CWF19L2: variants seen among roughly 807,000 people sequenced by gnomAD.
The protein encoded by CWF19L2 is CWF19 like cell cycle control factor 2.
Under a neutral mutation model 111.7 loss-of-function variants are expected in CWF19L2, and 98 were observed. The ratio of observed to expected loss-of-function variants is 0.88; its 90% CI spans 0.75 to 1.04. CWF19L2 has a LOEUF of 1.04. Ranked by LOEUF, CWF19L2 falls within the 50% of genes least tolerant of loss-of-function variation. CWF19L2 has a pLI of 0.00. For synonymous variants in CWF19L2, 351 were observed against 342.9 expected (o/e 1.02, Z -0.26); for missense variants, 1,101 against 1,051.4 (o/e 1.05, Z -0.65).
chr11:107,373,980 C>A (rs1338150020), intron 12 of CWF19L2, among the ~76,000 whole-genome samples: 1 of 136,044 alleles, frequency 7.4e-6, no homozygotes, highest in Non-Finnish European at 1.6e-5. Context: ...AATGCAGAAG[C>A]CTCAGGAGCT....
intron 10 of CWF19L2, among the ~76,000 whole-genome samples, chr11:107,410,341 T>C (rs959868990): frequency 3.9e-5 from 6 of 152,148 alleles, no homozygotes; most frequent in African/African-American, 1.4e-4. Context: ...TAAATTACTT[T>C]AGTTGCAGTA....
At chr11:107,394,125 T>A (rs369317105) in intron 10 of CWF19L2, among the ~76,000 whole-genome samples, 1 of 152,198 alleles carries the variant, frequency 6.6e-6, no homozygotes, top group Non-Finnish European at 1.5e-5. Context: ...TTCTTCTCAA[T>A]TGGAATCAAC....
intron 14 of CWF19L2, among the ~76,000 whole-genome samples, chr11:107,342,972 CT>C (rs564560641): frequency 4.2e-4 from 64 of 152,228 alleles, no homozygotes; most frequent in African/African-American, 1.5e-3. Flanking sequence ...GGAATAGATT[CT>C]CTTCCAGAGT....
chr11:107,367,649 G>A (rs1415241898), intron 12 of CWF19L2, among the ~76,000 whole-genome samples: 1 of 105,658 alleles, frequency 9.5e-6, no homozygotes. Flanking sequence ...GACACAGGAA[G>A]GGGAATATCA....
chr11:107,348,887 A>G, intron 14 of CWF19L2, 50 bp downstream of exon 14: 1 of 1,066,290 alleles, frequency 9.4e-7, no homozygotes, highest in African/African-American at 1.6e-5. Flanking sequence ...AATAATTTAC[A>G]AAAATTGCTC....
chr11:107,408,427 T>C, intron 10 of CWF19L2, among the ~76,000 whole-genome samples: 1 of 151,762 alleles, frequency 6.6e-6, no homozygotes, highest in Non-Finnish European at 1.5e-5. Flanking sequence ...AAGAGGAGGG[T>C]TAAGAAATAT....
intron 10 of CWF19L2, among the ~76,000 whole-genome samples, chr11:107,398,308 T>C (rs749492764): frequency 6.6e-6 from 1 of 152,096 alleles, no homozygotes; most frequent in Non-Finnish European, 1.5e-5. Context: ...GGAAAAAATA[T>C]TCAAGGAAAT....
At chr11:107,395,679 C>G (rs890501112) in intron 10 of CWF19L2, among the ~76,000 whole-genome samples, 4 of 152,094 alleles carry the variant, frequency 2.6e-5, no homozygotes, top group African/African-American at 4.8e-5. Context: ...TTTTTGTAAA[C>G]GTACTGTAAA....
intron 14 of CWF19L2, among the ~76,000 whole-genome samples, chr11:107,337,839 T>C (rs2134526801): frequency 6.6e-6 from 1 of 152,338 alleles, no homozygotes. Flanking sequence ...CTTTTTAATA[T>C]TTTATTTAAA....
chr11:107,450,479 A>G (rs2135429045), intron 3 of CWF19L2, among the ~76,000 whole-genome samples: 1 of 152,108 alleles, frequency 6.6e-6, no homozygotes, highest in Non-Finnish European at 1.5e-5. Context: ...CTTGAGCCCC[A>G]GGGGTTGAAG....
chr11:107,329,386 G>A (rs2134516407), intron 17 of CWF19L2, among the ~76,000 whole-genome samples: 1 of 152,210 alleles, frequency 6.6e-6, no homozygotes, highest in East Asian at 1.9e-4. Flanking sequence ...CTTGGGCTAC[G>A]CCTTGCTTAA....
rs572808862 is a variant in CWF19L2 at position 107,419,594 on chromosome 11, A to C, written c.1434-1307T>G. On this transcript the variant is annotated intron_variant, in intron 8 of 17. Transcript: ENST00000282251. The stretch of plus-strand genomic sequence containing the variant: ...TATAACTGTGTTCCATAGGTTCAAA[A>C]AGTCAGACACAACAAAGATATAAAA... 2.6e-5 allele frequency among the ~76,000 whole-genome samples: 4 copies of C among 152,316 alleles called. No individual in the cohort carries two copies. In the Middle Eastern group the frequency reaches 0.014, roughly 518 times the overall value.
In CWF19L2 at chr11:107,429,451, A is replaced by C. The variant is rs753105791; in HGVS notation, c.781T>G (p.Ser261Ala). Residue 261 changes from serine (S) to alanine (A), a missense_variant and splice_region_variant, in exon 8 of 18, where the codon TCA becomes GCA. Physicochemically the swap from Ser to Ala is moderately conservative, Grantham distance 99. Transcript: ENST00000282251. Reference sequence around the variant, plus strand: ...AATTTTGACTGAAATATTTCCATTGACTACAAAGGAGAAAAATTAAACAAG... The same window carrying C: ...AATTTTGACTGAAATATTTCCATTGCCTACAAAGGAGAAAAATTAAACAAG... ...FEDIVAERYG[S>A]MEIFQSKLED... 1 of 1,529,976 alleles carries C rather than the reference A, an allele frequency of 6.5e-7. No homozygotes were observed. Among genetic ancestry groups the C allele is most frequent in the Non-Finnish European group, 8.8e-7 (1 of 1,139,952 alleles). 94.8% of individuals were successfully genotyped at this position (1,529,976 alleles called of 1,614,324 possible).
intron 10 of CWF19L2, chr11:107,404,402 G>A: frequency 5.1e-6 from 4 of 786,474 alleles, no homozygotes; most frequent in Non-Finnish European, 9.4e-6. Context: ...TGGTGGCTTT[G>A]GGGGTTTTGG....
At chr11:107,410,014 ATAAT>A (rs2135392525) in intron 10 of CWF19L2, among the ~76,000 whole-genome samples, 1 of 152,272 alleles carries the variant, frequency 6.6e-6, no homozygotes, top group Admixed American at 6.5e-5. Flanking sequence ...AAGGAAACTA[ATAAT>A]TAATAGTGCT....
intron 2 of CWF19L2, among the ~76,000 whole-genome samples, chr11:107,455,099 T>C (rs991731176): frequency 6.0e-4 from 92 of 152,092 alleles, no homozygotes; most frequent in African/African-American, 2.0e-3. Context: ...TTTAGTGATC[T>C]ATTACTGATG....
chr11:107,424,863 T>C (rs566758561), intron 8 of CWF19L2, among the ~76,000 whole-genome samples: 6 of 152,000 alleles, frequency 3.9e-5, no homozygotes, highest in Middle Eastern at 3.4e-3. Context: ...AGTAAAGACA[T>C]TTAAATGAAA....
intron 6 of CWF19L2, among the ~76,000 whole-genome samples, chr11:107,436,158 C>T (rs1314306519): frequency 2.1e-5 from 3 of 139,694 alleles, no homozygotes; most frequent in East Asian, 2.0e-4. Context: ...ACACGCCCCC[C>T]GACCCAAAAA....
At chr11:107,424,604 T>G (rs1861349309) in intron 8 of CWF19L2, among the ~76,000 whole-genome samples, 1 of 151,852 alleles carries the variant, frequency 6.6e-6, no homozygotes, top group African/African-American at 2.4e-5. Context: ...GAAGGTAGGC[T>G]GAAGTGCATC....
Sources: gnomAD v4.1 joint callset for allele counts (sites outside exome capture counted in the v4.1 genomes callset) on GRCh38, gnomAD v4.1.1 for gene constraint, MANE v1.5 for transcripts, NCBI Gene and HGNC (gene_info 2026-07-23, HGNC 2026-07-21) for gene names.